The following MOB1A variants were observed in gnomAD, a reference collection of about 807,000 sequenced individuals.
MOB1A encodes the protein MOB1 Mps One Binder homolog A.
In MOB1A, 10 loss-of-function variants were observed where a neutral mutation model predicts 25.1. The observed-to-expected ratio is 0.40, with a 90% CI of 0.25 to 0.68. The LOEUF (loss-of-function observed/expected upper bound fraction) is 0.68, where lower values mean the gene tolerates loss of function less well. Ranked by LOEUF, MOB1A falls within the 30% of genes least tolerant of loss-of-function variation. The pLI is 0.40. For missense variants in MOB1A, 177 were observed against 256.3 expected (o/e 0.69, Z 2.11); for synonymous variants, 81 against 79.5 (o/e 1.02, Z -0.10).
At chr2:74,167,206 T>C (rs540558063) in intron 2 of MOB1A, 99 bp from the exon 3 acceptor site, 2 of 825,770 alleles carry the variant, frequency 2.4e-6, no homozygotes, top group East Asian at 2.5e-5. Context: ...GGTTCTTAGC[T>C]GAACCCTTGA....
At chr2:74,170,829 G>A (rs921586636) in intron 2 of MOB1A, among the ~76,000 whole-genome samples, 6 of 151,808 alleles carry the variant, frequency 4.0e-5, no homozygotes, top group African/African-American at 1.2e-4. Context: ...AGTTGAGGCT[G>A]CAGTGAGCTA....
chr2:74,167,041 C>A lies in MOB1A; in HGVS notation c.248G>T (p.Ser83Ile), dbSNP rs1186035771. The A allele has an allele frequency of 1.2e-6, 2 of 1,613,924 alleles. No individual in the cohort carries two copies. The highest frequency in any genetic ancestry group is 1.7e-6 in the Non-Finnish European group (2 of 1,179,826). ...CGGACCTGCAGACATGACTGGACAG[C>A]TTGCTTCAGTGCAGAATTCTGTAAT... ...GTITEFCTEASCPVMSAGPRY... is the reference protein window; with the variant it reads ...GTITEFCTEAICPVMSAGPRY... Residue 83 changes from serine (S) to isoleucine (I), a missense_variant, in exon 3 of 6, where the codon AGC (serine) becomes ATC (isoleucine). Transcript: ENST00000396049.
chr2:74,159,112 C>T lies in MOB1A; in HGVS notation c.552G>A (p.Lys184=). 1 of 1,613,926 alleles carries T rather than the reference C, an allele frequency of 6.2e-7. No homozygotes were observed. The highest frequency in any genetic ancestry group is 8.5e-7 in the Non-Finnish European group (1 of 1,179,870). ...QEEAHLNTSF[K]HFIFFVQEFN... ...TTACCTGAACAAAGAAAATAAAGTGCTTAAAGGAGGTGTTGAGGTGGGCCT... is the reference window on the plus strand; with the variant it reads ...TTACCTGAACAAAGAAAATAAAGTGTTTAAAGGAGGTGTTGAGGTGGGCCT... The change falls in exon 5 of 6, where the codon AAG becomes AAA. Residue 184 remains lysine, a synonymous_variant. Coordinates refer to ENST00000396049, the MANE Select transcript of MOB1A (RefSeq NM_018221.5).
intron 1 of MOB1A, chr2:74,173,155 T>A (rs774316779): frequency 9.7e-6 from 5 of 514,576 alleles, no homozygotes; most frequent in African/African-American, 7.7e-5. Flanking sequence ...AAAAACACTC[T>A]CTGAAAAATG....
chr2:74,159,106 A>G lies in MOB1A; in HGVS notation c.558T>C (p.Phe186=), dbSNP rs777695776. The part of the protein sequence containing the change: ...EAHLNTSFKH[F]IFFVQEFNLI... ...ATCAACTTACCTGAACAAAGAAAAT[A>G]AAGTGCTTAAAGGAGGTGTTGAGGT... is the stretch of plus-strand genomic sequence containing the variant. Residue 186 remains phenylalanine (F), a synonymous_variant, in exon 5 of 6, where the codon TTT becomes TTC. Coordinates refer to ENST00000396049, the MANE Select transcript of MOB1A (RefSeq NM_018221.5). The G allele has an allele frequency of 6.2e-7, 1 of 1,613,808 alleles. No individual in the cohort carries two copies. The highest frequency in any genetic ancestry group is 8.5e-7 in the Non-Finnish European group (1 of 1,179,846).
intron 3 of MOB1A, 88 bp downstream of exon 3, chr2:74,166,926 G>T: frequency 2.1e-6 from 2 of 943,566 alleles, no homozygotes; most frequent in Non-Finnish European, 3.3e-6. Context: ...TCACACAAAC[G>T]GATAACAAAT....
intron 4 of MOB1A, among the ~76,000 whole-genome samples, chr2:74,161,943 TGA>T (rs758053772): frequency 2.6e-5 from 4 of 151,848 alleles, no homozygotes; most frequent in Non-Finnish European, 5.9e-5. Context: ...GGCAACAGAG[TGA>T]GAGTCTGTCT....
At position 74,178,803 on chromosome 2, in the gene MOB1A, G is replaced by A. The variant is rs1176575780; in HGVS notation, c.-129C>T. 2 of 473,168 alleles carry A rather than the reference G, an allele frequency of 4.2e-6. No homozygotes were observed. The highest frequency in any genetic ancestry group is 6.6e-6 in the Non-Finnish European group (2 of 303,792). The allele number at this position is 473,168 out of a possible 1,614,324, so 29.3% of individuals were successfully genotyped here. ...AGCCGGGCCGCCGCCGCTCGGAGCCGGGTTTCTGGCCGCTGCGAGCCTTTG... is the reference window on the plus strand; with the variant it reads ...AGCCGGGCCGCCGCCGCTCGGAGCCAGGTTTCTGGCCGCTGCGAGCCTTTG... On this transcript the variant is annotated 5_prime_UTR_variant, in exon 1 of 6. Coordinates refer to ENST00000396049, the MANE Select transcript of MOB1A (RefSeq NM_018221.5).
intron 5 of MOB1A, among the ~76,000 whole-genome samples, chr2:74,157,302 G>C (rs1046516036): frequency 2.0e-5 from 3 of 151,978 alleles, no homozygotes; most frequent in African/African-American, 7.3e-5. Flanking sequence ...ACACGTGGAG[G>C]TTCCTGGAGC....
chr2:74,177,946 G>A (rs940524113), intron 1 of MOB1A: 32 of 152,270 alleles, frequency 2.1e-4, no homozygotes, highest in Middle Eastern at 3.4e-3. Context: ...GAGATTCTAA[G>A]GTATGCCTAT....
At chr2:74,167,403 G>A (rs937872257) in intron 2 of MOB1A, among the ~76,000 whole-genome samples, 8 of 152,196 alleles carry the variant, frequency 5.3e-5, no homozygotes, top group Admixed American at 1.3e-4. Flanking sequence ...ATGCCACCAC[G>A]CCCAGCTAAT....
chr2:74,159,828 C>CA lies in MOB1A; in HGVS notation c.410-575dup, dbSNP rs113378132. Among the ~76,000 whole-genome samples, 38 of 112,830 alleles carry CA rather than the reference C, an allele frequency of 3.4e-4. 1 individual carries two copies. The South Asian group carries it at 0.012, about 37-fold the overall frequency. The allele number at this position is 112,830 out of a possible 152,430, so 74.0% of individuals were successfully genotyped here. ...GTTTTTTGTTTTTTGTCCCCCCCCCCACCCCGGAGACTGAGCCTCACTCTG... is the reference window on the plus strand; with the variant it reads ...GTTTTTTGTTTTTTGTCCCCCCCCCCAACCCCGGAGACTGAGCCTCACTCTG... On this transcript the variant is annotated intron_variant, in intron 4 of 5. Coordinates refer to ENST00000396049, the MANE Select transcript of MOB1A (RefSeq NM_018221.5).
chr2:74,158,960 C>CAA, intron 5 of MOB1A, 131 bp downstream of exon 5: 1 of 914,180 alleles, frequency 1.1e-6, no homozygotes, highest in Non-Finnish European at 1.7e-6. Flanking sequence ...GAAAAGAGAA[C>CAA]AAAACAGAAA....
chr2:74,178,204 T>G (rs1693532740), intron 1 of MOB1A: 1 of 153,174 alleles, frequency 6.5e-6, no homozygotes, highest in East Asian at 1.9e-4. Flanking sequence ...GCCAGCATCT[T>G]AACTTCAAGC....
chr2:74,177,855 T>C (rs1371398721), intron 1 of MOB1A, among the ~76,000 whole-genome samples: 1 of 152,186 alleles, frequency 6.6e-6, no homozygotes, highest in Non-Finnish European at 1.5e-5. Context: ...CAAACCTTAA[T>C]GTGCATAAGA....
intron 1 of MOB1A, chr2:74,177,965 T>A (rs563493869): frequency 2.6e-5 from 4 of 152,348 alleles, no homozygotes; most frequent in African/African-American, 9.6e-5. Context: ...ATCAAGTTAA[T>A]TGCTGTAGTG....
In MOB1A at chr2:74,172,630, A is replaced by C. The variant is rs760795980; in HGVS notation, c.137T>G (p.Met46Arg). ...ATTGAGATCCTCTCCCTCAGGCAAC[A>C]TAACAGCTTGTCTCAGATTCCCACT... ...LGSGNLRQAV[M>R]LPEGEDLNEW... is the part of the protein sequence containing the mutation. The change falls in exon 2 of 6, where the codon ATG (methionine) becomes AGG (arginine). Residue 46 changes from methionine to arginine, a missense_variant. Met to Arg is a moderately conservative substitution (Grantham distance 91). Coordinates refer to ENST00000396049, the MANE Select transcript of MOB1A (RefSeq NM_018221.5). The C allele has an allele frequency of 6.8e-6, 11 of 1,613,948 alleles. No homozygotes were observed. Among genetic ancestry groups the C allele is most frequent in the Non-Finnish European group, 9.3e-6 (11 of 1,179,854 alleles).
At chr2:74,166,883 G>GA (rs1693143514) in intron 3 of MOB1A, 131 bp downstream of exon 3, 2 of 624,726 alleles carry the variant, frequency 3.2e-6, no homozygotes, top group African/African-American at 3.7e-5. Flanking sequence ...GCTTACAGGT[G>GA]AGTAGTCAAG....
In MOB1A at chr2:74,159,232, A is replaced by G. The variant is rs1692891621; in HGVS notation, c.432T>C (p.Phe144=). 3 of 1,613,200 alleles carry G rather than the reference A, an allele frequency of 1.9e-6. No homozygotes were observed. Among genetic ancestry groups the G allele is most frequent in the East Asian group, 2.2e-5 (1 of 44,898 alleles). ...TTAGAATAGTCTTTGCCACAGACAT[A>G]AAGTTTTTGGGAAATGGGACACCTG... is the stretch of plus-strand genomic sequence containing the variant. The part of the protein sequence containing the change: ...SKIGVPFPKN[F]MSVAKTILKR... The change falls in exon 5 of 6, where the codon TTT becomes TTC. Residue 144 remains phenylalanine, a synonymous_variant. Transcript: ENST00000396049.
Sources: gnomAD v4.1 joint callset for allele counts (sites outside exome capture counted in the v4.1 genomes callset) on GRCh38, gnomAD v4.1.1 for gene constraint, MANE v1.5 for transcripts, NCBI Gene and HGNC (gene_info 2026-07-23, HGNC 2026-07-21) for gene names.